The following BMP5 variants were observed in gnomAD, a reference collection of about 807,000 sequenced individuals.
BMP5 encodes bone morphogenetic protein 5.
Under a neutral mutation model 46.6 loss-of-function variants are expected in BMP5, and 23 were observed. The ratio of observed to expected loss-of-function variants is 0.49; its 90% CI spans 0.35 to 0.70. The LOEUF is 0.70. BMP5 is among the 30% of genes least tolerant of loss of function. BMP5 has a pLI of 0.00. For synonymous variants in BMP5, 204 were observed against 191.9 expected (o/e 1.06, Z -0.52); for missense variants, 545 against 565.6 (o/e 0.96, Z 0.37).
intron 2 of BMP5, among the ~76,000 whole-genome samples, chr6:55,802,880 AG>A (rs1158230135): frequency 4.6e-5 from 7 of 151,488 alleles, no homozygotes; most frequent in Non-Finnish European, 7.4e-5. Context: ...CACATATTTC[AG>A]TATTGAAATT....
intron 4 of BMP5, among the ~76,000 whole-genome samples, chr6:55,768,168 T>C (rs1238110488): frequency 3.3e-5 from 5 of 151,978 alleles, no homozygotes; most frequent in African/African-American, 9.7e-5. Flanking sequence ...TTTTGACTAA[T>C]ATCTGTTTTT....
At chr6:55,859,086 C>T (rs1777471055) in intron 1 of BMP5, among the ~76,000 whole-genome samples, 1 of 152,062 alleles carries the variant, frequency 6.6e-6, no homozygotes. Context: ...AGGTAACAAA[C>T]CTGCACGTTC....
intron 1 of BMP5, among the ~76,000 whole-genome samples, chr6:55,851,523 C>T (rs892595661): frequency 2.6e-5 from 4 of 151,988 alleles, no homozygotes; most frequent in Non-Finnish European, 5.9e-5. Context: ...GGCTTCCACC[C>T]CAGGGAATAT....
At chr6:55,840,709 G>A (rs771545869) in intron 1 of BMP5, among the ~76,000 whole-genome samples, 18 of 152,034 alleles carry the variant, frequency 1.2e-4, no homozygotes, top group Non-Finnish European at 2.1e-4. Context: ...GATTTCCAAT[G>A]TTTCAAATGA....
chr6:55,873,312 A>C (rs929232585), intron 1 of BMP5, among the ~76,000 whole-genome samples: 2 of 152,102 alleles, frequency 1.3e-5, no homozygotes, highest in Non-Finnish European at 1.5e-5. Flanking sequence ...TTTAAAACAA[A>C]GTTCTAAAAG....
intron 2 of BMP5, among the ~76,000 whole-genome samples, chr6:55,800,322 A>C (rs1452397224): frequency 4.6e-5 from 7 of 152,218 alleles, no homozygotes; most frequent in Admixed American, 4.6e-4. Context: ...CATTTCAGAC[A>C]ACATGTGAAT....
intron 1 of BMP5, among the ~76,000 whole-genome samples, chr6:55,864,529 CT>C (rs1777595314): frequency 6.6e-6 from 1 of 152,052 alleles, no homozygotes; most frequent in African/African-American, 2.4e-5. Flanking sequence ...ATCGAATGGG[CT>C]GCCTGATCTT....
chr6:55,759,158 AAAAAAAAAAAAAAAAAAAAAAAAAAC>A (rs765588364), intron 5 of BMP5, 43 bp from the exon 6 acceptor site: 50 of 747,706 alleles, frequency 6.7e-5, no homozygotes, highest in African/African-American at 5.5e-4. Context: ...AAAAAAAAAA[AAAAAAAAAAAAAAAAAAAAAAAAAAC>A]AACAAGAAAA....
At chr6:55,760,370 T>C (rs1232385830) in intron 5 of BMP5, 87 bp downstream of exon 5, 7 of 1,220,880 alleles carry the variant, frequency 5.7e-6, no homozygotes, top group Non-Finnish European at 8.4e-6. Context: ...GGGTATTATA[T>C]TGGAAAATTA....
At chr6:55,826,775 C>T (rs1776542099) in intron 1 of BMP5, among the ~76,000 whole-genome samples, 1 of 151,014 alleles carries the variant, frequency 6.6e-6, no homozygotes, top group African/African-American at 2.4e-5. Context: ...TTGTTTCTTC[C>T]CTAATTTGAT....
At chr6:55,872,380 C>G (rs1338324392) in intron 1 of BMP5, among the ~76,000 whole-genome samples, 2 of 151,760 alleles carry the variant, frequency 1.3e-5, no homozygotes, top group East Asian at 3.9e-4. Flanking sequence ...CACAGTTTCT[C>G]TAAAGCTTAT....
intron 1 of BMP5, 68 bp from the exon 2 acceptor site, chr6:55,819,915 A>C: frequency 6.8e-6 from 9 of 1,326,184 alleles, no homozygotes; most frequent in Non-Finnish European, 9.7e-6. Flanking sequence ...ATTAATGATA[A>C]ATTCTCCAGC....
chr6:55,758,829 C>G (rs1281883002), intron 6 of BMP5, among the ~76,000 whole-genome samples, 176 bp downstream of exon 6: 1 of 151,804 alleles, frequency 6.6e-6, no homozygotes. Context: ...TTACTCTAAA[C>G]CAGCCCGAGT....
chr6:55,800,887 C>T (rs1190755005), intron 2 of BMP5, among the ~76,000 whole-genome samples: 2 of 152,176 alleles, frequency 1.3e-5, no homozygotes, highest in East Asian at 1.9e-4. Flanking sequence ...AAAATATCAG[C>T]TCCCTTTACT....
intron 1 of BMP5, among the ~76,000 whole-genome samples, chr6:55,863,069 GCA>G (rs1374461506): frequency 6.6e-6 from 1 of 152,118 alleles, no homozygotes; most frequent in African/African-American, 2.4e-5. Flanking sequence ...AGTAAAACAG[GCA>G]CAGTCTTTCG....
At chr6:55,829,725 A>T (rs1776620527) in intron 1 of BMP5, among the ~76,000 whole-genome samples, 1 of 151,896 alleles carries the variant, frequency 6.6e-6, no homozygotes, top group Admixed American at 6.6e-5. Flanking sequence ...AAAAAATAAC[A>T]TTTATCTTAT....
intron 1 of BMP5, among the ~76,000 whole-genome samples, chr6:55,831,420 T>TA (rs917709932): frequency 1.3e-5 from 2 of 151,660 alleles, no homozygotes; most frequent in South Asian, 2.1e-4. Context: ...AGGAACCTAC[T>TA]AAAAAAAACT....
intron 1 of BMP5, among the ~76,000 whole-genome samples, chr6:55,863,809 G>A (rs913182231): frequency 5.9e-5 from 9 of 152,062 alleles, no homozygotes; most frequent in African/African-American, 2.2e-4. Context: ...TACTTACCAT[G>A]GTGTTACAAT....
At chr6:55,760,565 G>T in intron 4 of BMP5, 32 bp from the exon 5 acceptor site, 1 of 1,572,870 alleles carries the variant, frequency 6.4e-7, no homozygotes, top group Non-Finnish European at 8.7e-7. Flanking sequence ...TGAATAAATG[G>T]TTGCTTACAG....
Sources: allele counts gnomAD v4.1 joint callset (sites outside exome capture counted in the v4.1 genomes callset), GRCh38; gene constraint gnomAD v4.1.1; transcripts MANE v1.5; gene names NCBI Gene and HGNC (gene_info 2026-07-23, HGNC 2026-07-21).